Variants in NFU1 observed in about 807,000 individuals in gnomAD.
NFU1 encodes NFU1 iron-sulfur cluster scaffold homolog, mitochondrial.
In NFU1, 30 loss-of-function variants were observed where a neutral mutation model predicts 32.2. The ratio of observed to expected loss-of-function variants is 0.93; its 90% CI spans 0.70 to 1.26. The LOEUF (loss-of-function observed/expected upper bound fraction) is 1.26. Ranked by LOEUF, NFU1 falls within the 50% of genes most tolerant of loss-of-function variation. NFU1 has a pLI of 0.00. For synonymous variants in NFU1, 112 were observed against 104.6 expected (o/e 1.07, Z -0.43); for missense variants, 306 against 306.6 (o/e 1.00, Z 0.02).
intron 7 of NFU1, chr2:69,399,264 C>A: frequency 3.0e-6 from 1 of 331,300 alleles, no homozygotes; most frequent in Non-Finnish European, 6.0e-6. Context: ...TTGGAAATTT[C>A]TAATTTCCAC....
At chr2:69,407,132 C>T (rs1672720836) in intron 5 of NFU1, among the ~76,000 whole-genome samples, 1 of 152,020 alleles carries the variant, frequency 6.6e-6, no homozygotes, top group African/African-American at 2.4e-5. Flanking sequence ...TCTTTATCAG[C>T]AGCGTGAGAA....
intron 2 of NFU1, among the ~76,000 whole-genome samples, chr2:69,424,198 A>AAAAAAAAATATATATATATATATAT (rs1558840147): frequency 1.3e-5 from 1 of 74,544 alleles, no homozygotes; most frequent in African/African-American, 5.3e-5. Flanking sequence ...AAAAAAAAAA[A>AAAAAAAAATATATATATATATATAT]ATATATATAT....
chr2:69,417,928 G>C (rs1029445884), intron 4 of NFU1, among the ~76,000 whole-genome samples: 7 of 150,322 alleles, frequency 4.7e-5, no homozygotes, highest in African/African-American at 1.7e-4. Context: ...TATAGCATAG[G>C]CTATACGTAA....
At position 69,437,377 on chromosome 2, in the gene NFU1, C is replaced by T; in HGVS notation, c.46G>A (p.Ala16Thr). Residue 16 changes from alanine (A) to threonine (T), a missense_variant, in exon 1 of 8, where the codon GCC (alanine) becomes ACC (threonine). Transcript: ENST00000410022. ...GTCACCTACCGCCTGCGCAGCCCGG[C>T]GGCAACAGCCGCAGCTCCCCAGCCC... ...RRGWGAAAVA[A>T]GLRRRFCHML... 6.2e-7 allele frequency: 1 copy of T among 1,608,462 alleles called. No homozygotes were observed. Among genetic ancestry groups the T allele is most frequent in the Non-Finnish European group, 8.5e-7 (1 of 1,178,880 alleles).
At chr2:69,398,045 C>T (rs1379643249) in intron 7 of NFU1, among the ~76,000 whole-genome samples, 2 of 151,806 alleles carry the variant, frequency 1.3e-5, no homozygotes, top group South Asian at 2.1e-4. Context: ...TAATATTTTA[C>T]ATCCAATTTC....
intron 1 of NFU1, among the ~76,000 whole-genome samples, chr2:69,435,707 C>T (rs991870704): frequency 1.3e-5 from 2 of 152,124 alleles, no homozygotes; most frequent in African/African-American, 4.8e-5. Context: ...CTGCCACTCC[C>T]CACACTAGCT....
At chr2:69,401,385 A>G (rs1017248418) in intron 6 of NFU1, among the ~76,000 whole-genome samples, 15 of 152,254 alleles carry the variant, frequency 9.9e-5, no homozygotes, top group African/African-American at 1.4e-4. Flanking sequence ...ACTCTTTTGT[A>G]TCTGGCTTCC....
chr2:69,408,734 TTATATATATATATA>T (rs70954344), intron 5 of NFU1, among the ~76,000 whole-genome samples: 14,123 of 136,328 alleles, frequency 0.1, 1,872 homozygotes, highest in African/African-American at 0.29. Flanking sequence ...ATATAAAATT[TTATATATATATATA>T]TATATATATA....
chr2:69,416,872 T>C (rs1673073224), intron 4 of NFU1, among the ~76,000 whole-genome samples: 1 of 152,128 alleles, frequency 6.6e-6, no homozygotes, highest in Non-Finnish European at 1.5e-5. Context: ...CCCTCCAGCC[T>C]GGGCGACGGA....
intron 5 of NFU1, among the ~76,000 whole-genome samples, chr2:69,406,355 G>C (rs1232991834): frequency 6.6e-6 from 1 of 151,988 alleles, no homozygotes; most frequent in African/African-American, 2.4e-5. Flanking sequence ...ATGATGTTAG[G>C]GTATGAAATT....
intron 5 of NFU1, chr2:69,410,914 A>T (rs1672858053): frequency 1.3e-5 from 2 of 152,230 alleles, no homozygotes; most frequent in African/African-American, 4.8e-5. Flanking sequence ...TTTACAAGGA[A>T]GAATAAAGTG....
At chr2:69,438,722 C>G (rs1004229784), upstream of NFU1, among the ~76,000 whole-genome samples, 2 of 152,136 alleles carry the variant, frequency 1.3e-5, no homozygotes, top group Admixed American at 1.3e-4. Flanking sequence ...CTATGGCCCA[C>G]AGACACATCT....
At chr2:69,430,038 CA>C (rs768175415) in intron 2 of NFU1, 243 of 306,652 alleles carry the variant, frequency 7.9e-4, no homozygotes, top group South Asian at 1.5e-3. Flanking sequence ...CAAAAACAAA[CA>C]AAAAAAAACA....
At chr2:69,435,345 T>C (rs1173172449) in intron 1 of NFU1, among the ~76,000 whole-genome samples, 1 of 152,202 alleles carries the variant, frequency 6.6e-6, no homozygotes. Flanking sequence ...AAGGCCAAAA[T>C]TGTTTGTGAT....
At chr2:69,437,714 T>C (rs908185237), upstream of NFU1, 7 of 537,356 alleles carry the variant, frequency 1.3e-5, no homozygotes, top group Admixed American at 1.5e-4. Flanking sequence ...GCTAGGTTTT[T>C]AGCTGGTGCT....
chr2:69,402,973 TC>T (rs1672574251), intron 6 of NFU1, among the ~76,000 whole-genome samples: 1 of 151,608 alleles, frequency 6.6e-6, no homozygotes, highest in South Asian at 2.1e-4. Flanking sequence ...CCTTTTCTCT[TC>T]TCTTTTCTTT....
intron 3 of NFU1, among the ~76,000 whole-genome samples, chr2:69,419,899 C>A (rs1463342779): frequency 6.6e-6 from 1 of 152,200 alleles, no homozygotes; most frequent in African/African-American, 2.4e-5. Flanking sequence ...ATGTCCATCA[C>A]CTGGTGAATG....
At chr2:69,430,281 C>T (rs548073247) in intron 2 of NFU1, among the ~76,000 whole-genome samples, 2 of 151,496 alleles carry the variant, frequency 1.3e-5, no homozygotes, top group South Asian at 2.1e-4. Context: ...GGCATGATTA[C>T]AGCTCACTGC....
upstream of NFU1, chr2:69,437,500 G>T: frequency 6.5e-7 from 1 of 1,542,192 alleles, no homozygotes; most frequent in Non-Finnish European, 8.8e-7. Context: ...CGGTAGCTGG[G>T]CGGGCACTGG....
Sources: gnomAD v4.1 joint callset for allele counts (sites outside exome capture counted in the v4.1 genomes callset) on GRCh38, gnomAD v4.1.1 for gene constraint, MANE v1.5 for transcripts, NCBI Gene and HGNC (gene_info 2026-07-23, HGNC 2026-07-21) for gene names.